The following ARAP1 variants were observed in gnomAD, a reference collection of about 807,000 sequenced individuals.
ARAP1 encodes arf-GAP with Rho-GAP domain, ANK repeat and PH domain-containing protein 1.
Under a neutral mutation model 172.2 loss-of-function variants are expected in ARAP1, and 76 were observed. The observed-to-expected ratio is 0.44, with a 90% CI of 0.37 to 0.53. ARAP1 has a LOEUF of 0.53. Among genes scored for constraint, ARAP1 ranks in the 20% least tolerant of loss-of-function variants. The pLI, the probability that ARAP1 is intolerant of heterozygous loss-of-function variation, is 0.00. For synonymous variants in ARAP1, 804 were observed against 803.3 expected (o/e 1.00, Z -0.01); for missense variants, 1,686 against 1,977.5 (o/e 0.85, Z 2.80).
At chr11:72,714,069 A>C in intron 4 of ARAP1, 83 bp downstream of exon 4, 1 of 1,335,100 alleles carries the variant, frequency 7.5e-7, no homozygotes, top group Non-Finnish European at 9.7e-7. Flanking sequence ...AAGGAGTGTG[A>C]TCCTTGCATA....
At chr11:72,735,011 C>T (rs796427038) in intron 1 of ARAP1, among the ~76,000 whole-genome samples, 26 of 152,092 alleles carry the variant, frequency 1.7e-4, no homozygotes, top group African/African-American at 5.3e-4. Context: ...GACAGGGTCT[C>T]GCTCTGTCAC....
rs2135571964 is a variant in ARAP1 at position 72,726,372 on chromosome 11, C to A, written c.509+248G>T. 6.6e-6 allele frequency among the ~76,000 whole-genome samples: 1 copy of A among 152,284 alleles called. No homozygotes were observed. The highest frequency in any genetic ancestry group is 3.4e-3 in the Middle Eastern group (1 of 294). On this transcript the variant is annotated intron_variant, in intron 3 of 34. Coordinates refer to ENST00000393609, the MANE Select transcript of ARAP1 (RefSeq NM_001040118.3). The surrounding 1 kb of genome is among the most constrained non-coding windows in gnomAD (Gnocchi z 6.5). Reference sequence around the variant, plus strand: ...TGGCACGACTGTCCACCCAGCCACCCAAGACAGAAACCTGGAGGCCTCACT... The same window carrying A: ...TGGCACGACTGTCCACCCAGCCACCAAAGACAGAAACCTGGAGGCCTCACT...
intron 13 of ARAP1, chr11:72,704,587 C>T (rs1265186794): frequency 1.5e-5 from 7 of 469,134 alleles, no homozygotes; most frequent in Non-Finnish European, 2.6e-5. Flanking sequence ...AGGTGGATGC[C>T]TCAGGCCTTG....
chr11:72,686,500 C>T (rs149073390), intron 33 of ARAP1, among the ~76,000 whole-genome samples: 7 of 152,282 alleles, frequency 4.6e-5, no homozygotes, highest in Non-Finnish European at 7.4e-5. Flanking sequence ...CAAAATCCAC[C>T]GTTTCCCTTT....
chr11:72,687,342 A>C (rs1157477363), intron 33 of ARAP1, 97 bp downstream of exon 33: 2 of 1,451,008 alleles, frequency 1.4e-6, no homozygotes, highest in Non-Finnish European at 1.9e-6. Context: ...TCCTTGAAGC[A>C]AGGGGTGGGT....
chr11:72,729,016 C>T (rs1857779903), intron 2 of ARAP1, among the ~76,000 whole-genome samples: 1 of 152,094 alleles, frequency 6.6e-6, no homozygotes, highest in Non-Finnish European at 1.5e-5. Flanking sequence ...TCAACCTCAC[C>T]ACATGTTAAA....
chr11:72,726,964 AC>A lies in ARAP1; in HGVS notation c.164del (p.Gly55ValfsTer30). 1 of 1,601,710 alleles carries A rather than the reference AC, an allele frequency of 6.2e-7. No individual in the cohort carries two copies. The highest frequency in any genetic ancestry group is 8.5e-7 in the Non-Finnish European group (1 of 1,174,640). On this transcript the variant is annotated frameshift_variant, in exon 3 of 35. Coordinates refer to ENST00000393609, the MANE Select transcript of ARAP1 (RefSeq NM_001040118.3). LOFTEE classifies it high-confidence loss of function. This position sits in a 1 kb window ranked among gnomAD's most constrained non-coding sequence, Gnocchi z 6.5. ...GGCCAGCCAGGATGCGGCGGCGGTGACCAGGGAGTAGCATGCCCATGTCCAT... is the reference window on the plus strand; with the variant it reads ...GGCCAGCCAGGATGCGGCGGCGGTGACAGGGAGTAGCATGCCCATGTCCAT... ...RLMDMGMLLP[G>X]HRRRILAGLL... is the part of the protein sequence containing the mutation.
chr11:72,690,740 G>A (rs998357772), intron 30 of ARAP1, among the ~76,000 whole-genome samples: 2 of 152,206 alleles, frequency 1.3e-5, no homozygotes, highest in Non-Finnish European at 2.9e-5. Context: ...GGGGCCATGG[G>A]CAGACAATGA....
chr11:72,690,154 G>A (rs1855878648), intron 30 of ARAP1, among the ~76,000 whole-genome samples: 1 of 152,164 alleles, frequency 6.6e-6, no homozygotes, highest in Non-Finnish European at 1.5e-5. Flanking sequence ...TCAGGCTGTG[G>A]GTGGGAGGGG....
chr11:72,715,570 CT>C (rs56115201), intron 3 of ARAP1, among the ~76,000 whole-genome samples: 2,402 of 135,780 alleles, frequency 0.018, 43 homozygotes, highest in African/African-American at 0.056. Flanking sequence ...TTTTTAACTT[CT>C]TTTTTTTTTT....
At chr11:72,737,310 A>G (rs1402251229) in intron 1 of ARAP1, among the ~76,000 whole-genome samples, 1 of 152,186 alleles carries the variant, frequency 6.6e-6, no homozygotes, top group African/African-American at 2.4e-5. Flanking sequence ...AATCCTTGTC[A>G]GCCAGTCCTT....
At chr11:72,707,957 C>T (rs1360026227) in intron 11 of ARAP1, among the ~76,000 whole-genome samples, 1 of 152,122 alleles carries the variant, frequency 6.6e-6, no homozygotes, top group Non-Finnish European at 1.5e-5. Context: ...ATGTGACATG[C>T]TCCATAACCC....
Position 72,688,392 on chromosome 11 carries a change from C to T in ARAP1, c.4070+63G>A, listed in dbSNP as rs1043934925. On this transcript the variant is annotated intron_variant, in intron 31 of 34. Transcript: ENST00000393609. ...AAATTAAAAACCCCAGCTGTGCCTC[C>T]CCCATCAGTTCTGAGCCCCCATAAG... 3.8e-5 allele frequency: 56 copies of T among 1,468,426 alleles called. 1 individual carries two copies. The South Asian group carries it at 4.5e-4, about 12-fold the overall frequency. 91.0% of individuals were successfully genotyped at this position (1,468,426 alleles called of 1,614,324 possible). A position where few individuals can be genotyped will look rare whatever the true frequency, so the allele number is the denominator to read the frequency against.
At chr11:72,744,922 C>T (rs1012163285) in intron 1 of ARAP1, among the ~76,000 whole-genome samples, 8 of 152,152 alleles carry the variant, frequency 5.3e-5, no homozygotes, top group African/African-American at 1.9e-4. Context: ...ATCTTTAGAG[C>T]CGAGAAAGAG....
intron 2 of ARAP1, among the ~76,000 whole-genome samples, chr11:72,729,910 G>A (rs973286715): frequency 5.7e-5 from 8 of 140,998 alleles, no homozygotes; most frequent in Non-Finnish European, 9.0e-5. Flanking sequence ...GGGCAACAGA[G>A]TGAGACTGTC....
At chr11:72,742,855 TC>T (rs905864944) in intron 1 of ARAP1, among the ~76,000 whole-genome samples, 1 of 152,168 alleles carries the variant, frequency 6.6e-6, no homozygotes, top group Non-Finnish European at 1.5e-5. Flanking sequence ...ACTTGCCACC[TC>T]CCTCAGAGTA....
At chr11:72,696,807 C>T (rs1390222697) in intron 22 of ARAP1, 153 bp from the exon 23 acceptor site, 15 of 944,134 alleles carry the variant, frequency 1.6e-5, no homozygotes, top group Admixed American at 2.8e-5. Context: ...AAGGAACTCT[C>T]GGTCTTCCAG....
intron 3 of ARAP1, among the ~76,000 whole-genome samples, chr11:72,719,432 G>A (rs1857416182): frequency 3.3e-5 from 5 of 152,308 alleles, no homozygotes. Context: ...AGGCAGACCT[G>A]GGCTTGAACT....
chr11:72,693,464 C>T lies in ARAP1; in HGVS notation c.3815G>A (p.Arg1272His), dbSNP rs762062455. The T allele has an allele frequency of 1.4e-5, 22 of 1,612,572 alleles. No individual in the cohort carries two copies. In the East Asian group the frequency reaches 2.0e-4, roughly 15 times the overall value. The change falls in exon 29 of 35, where the codon CGT becomes CAT. Residue 1272 changes from arginine to histidine, a missense_variant. Transcript: ENST00000393609. The surrounding 1 kb of genome is among the most constrained non-coding windows in gnomAD (Gnocchi z 4.6). ...MEAMLLYLAS[R>H]VGDTKHGMMK... ...CATGCCATGCTTGGTGTCACCGACACGGCTGGCTGGGGGGTGGGACTGGAG... is the reference window on the plus strand; with the variant it reads ...CATGCCATGCTTGGTGTCACCGACATGGCTGGCTGGGGGGTGGGACTGGAG...
Sources: allele counts gnomAD v4.1 joint callset (sites outside exome capture counted in the v4.1 genomes callset), GRCh38; gene constraint gnomAD v4.1.1; non-coding constraint Gnocchi (gnomAD v3.1); transcripts MANE v1.5; gene names NCBI Gene and HGNC (gene_info 2026-07-23, HGNC 2026-07-21).